Variants in ADAM12 observed in about 807,000 individuals in gnomAD.
The protein encoded by ADAM12 is disintegrin and metalloproteinase domain-containing protein 12.
In ADAM12, 70 loss-of-function variants were observed where a neutral mutation model predicts 106.4. The observed-to-expected ratio is 0.66, with a 90% CI of 0.54 to 0.80. The LOEUF (loss-of-function observed/expected upper bound fraction) is 0.80, where lower values mean the gene tolerates loss of function less well. Among genes scored for constraint, ADAM12 ranks in the 30% least tolerant of loss-of-function variants. The pLI is 0.00. For missense variants in ADAM12, 1,010 were observed against 1,171.9 expected, an observed-to-expected ratio of 0.86 and a Z score of 2.02; for synonymous variants, 420 against 433.5, an observed-to-expected ratio of 0.97 and a Z score of 0.39.
At chr10:126,101,783 A>G (rs537681576) in intron 8 of ADAM12, among the ~76,000 whole-genome samples, 9 of 152,330 alleles carry the variant, frequency 5.9e-5, no homozygotes, top group Admixed American at 4.6e-4. Context: ...GTTTTAATAA[A>G]ATAAAGAAGT....
At chr10:126,292,425 C>A (rs1416780804) in intron 2 of ADAM12, among the ~76,000 whole-genome samples, 1 of 152,168 alleles carries the variant, frequency 6.6e-6, no homozygotes, top group African/African-American at 2.4e-5. Flanking sequence ...TTCCAGCTCT[C>A]CCCTGGCTAC....
At chr10:126,107,181 C>CTT (rs1955790050) in intron 8 of ADAM12, among the ~76,000 whole-genome samples, 1 of 152,188 alleles carries the variant, frequency 6.6e-6, no homozygotes, top group African/African-American at 2.4e-5. Flanking sequence ...ACACATACTC[C>CTT]TTCTTCTGCT....
intron 8 of ADAM12, among the ~76,000 whole-genome samples, chr10:126,107,827 G>A (rs976944346): frequency 2.6e-5 from 4 of 152,194 alleles, no homozygotes; most frequent in Admixed American, 1.3e-4. Flanking sequence ...TCCAATATGC[G>A]GGGCTTGTGA....
intron 21 of ADAM12, among the ~76,000 whole-genome samples, chr10:126,032,039 C>T (rs1285184046): frequency 1.3e-5 from 2 of 152,088 alleles, no homozygotes; most frequent in African/African-American, 4.8e-5. Context: ...ATTCAGCTCT[C>T]CTTCATTTAT....
intron 21 of ADAM12, among the ~76,000 whole-genome samples, chr10:126,030,978 G>GGACTTAGCTGTGC (rs1220446901): frequency 6.6e-6 from 1 of 152,188 alleles, no homozygotes; most frequent in African/African-American, 2.4e-5. Flanking sequence ...TCGAGGGGCT[G>GGACTTAGCTGTGC]GACTTAGCTG....
At chr10:126,132,519 T>C (rs1405912279) in intron 5 of ADAM12, among the ~76,000 whole-genome samples, 2 of 83,980 alleles carry the variant, frequency 2.4e-5, no homozygotes, top group Admixed American at 2.7e-4. Flanking sequence ...GAGTGCTGCA[T>C]GAACACCCCC....
At chr10:126,086,506 T>A (rs922575355) in intron 11 of ADAM12, among the ~76,000 whole-genome samples, 2 of 148,088 alleles carry the variant, frequency 1.4e-5, no homozygotes, top group Admixed American at 6.8e-5. Context: ...TAAAACCCCA[T>A]CTCCACTAAA....
intron 3 of ADAM12, among the ~76,000 whole-genome samples, chr10:126,226,860 G>A (rs1158036943): frequency 6.6e-6 from 1 of 152,140 alleles, no homozygotes; most frequent in Non-Finnish European, 1.5e-5. Context: ...GAAGGACTAA[G>A]GCTGTTTTGC....
intron 3 of ADAM12, among the ~76,000 whole-genome samples, chr10:126,214,544 C>A (rs546207480): frequency 9.2e-5 from 14 of 152,292 alleles, no homozygotes; most frequent in Admixed American, 4.6e-4. Context: ...AGACTGGAAG[C>A]AGTGGCTGCC....
At chr10:126,105,099 C>T (rs572574329) in intron 8 of ADAM12, among the ~76,000 whole-genome samples, 14 of 152,230 alleles carry the variant, frequency 9.2e-5, no homozygotes, top group Middle Eastern at 3.4e-3. Context: ...CTCAGCAAAT[C>T]GGCTCTCTCC....
intron 3 of ADAM12, among the ~76,000 whole-genome samples, chr10:126,204,921 C>T (rs1440905115): frequency 6.6e-6 from 1 of 152,212 alleles, no homozygotes; most frequent in Admixed American, 6.5e-5. Context: ...CCCACAGTCA[C>T]AAGAATGGGC....
chr10:126,163,020 C>T (rs10901544), intron 3 of ADAM12, among the ~76,000 whole-genome samples: 80,262 of 151,794 alleles, frequency 0.53, 22,213 homozygotes, highest in African/African-American at 0.68. Flanking sequence ...CTCCTCCCAC[C>T]CCTTCCTCTC....
intron 3 of ADAM12, among the ~76,000 whole-genome samples, chr10:126,278,194 G>T (rs573347608): frequency 3.3e-5 from 5 of 152,260 alleles, no homozygotes; most frequent in African/African-American, 9.6e-5. Flanking sequence ...CTTATTAGAA[G>T]AACTAATAAG....
chr10:126,151,774 CCT>C (rs1179708885), intron 4 of ADAM12, among the ~76,000 whole-genome samples: 2 of 151,698 alleles, frequency 1.3e-5, no homozygotes, highest in Non-Finnish European at 2.9e-5. Flanking sequence ...TTTAAATTTT[CCT>C]CTTTCACCTT....
chr10:126,330,455 CCAACA>C lies in ADAM12; in HGVS notation c.138_142del (p.Val47GlufsTer39). 6.2e-7 allele frequency: 1 copy of C among 1,613,976 alleles called. No homozygotes were observed. The highest frequency in any genetic ancestry group is 1.1e-5 in the South Asian group (1 of 91,062). ...CACTGGGATCCAGAGGTCCCCACTC[CCAACA>C]GAGGCACTGACAACTTCATCAGCTC... On this transcript the variant is annotated frameshift_variant, in exon 2 of 23. Coordinates refer to ENST00000448723, the MANE Select transcript of ADAM12 (RefSeq NM_001288973.2). LOFTEE classifies it high-confidence loss of function.
Position 126,049,555 on chromosome 10 carries a change from C to T in ADAM12, c.1718+6G>A. 1.2e-6 allele frequency: 2 copies of T among 1,614,136 alleles called. No individual in the cohort carries two copies. The highest frequency in any genetic ancestry group is 1.1e-5 in the South Asian group (1 of 91,076). On this transcript the variant is annotated splice_donor_region_variant and intron_variant, in intron 15 of 22. Transcript: ENST00000448723. The surrounding 1 kb of genome is among the most constrained non-coding windows in gnomAD (Gnocchi z 4.4). The stretch of plus-strand genomic sequence containing the variant: ...AAGACTTTGCCAGGATGTCTGGATT[C>T]CATACCTCATCTCGCATTTGGCAAA...
intron 1 of ADAM12, among the ~76,000 whole-genome samples, chr10:126,387,671 T>C (rs975544110): frequency 6.6e-6 from 1 of 151,750 alleles, no homozygotes; most frequent in African/African-American, 2.4e-5. Flanking sequence ...GCCCGGAGCC[T>C]GGGGTGGGGA....
rs578155948 is a variant in ADAM12, at chr10:126,295,705, C to T, written c.187-16717G>A. 3.5e-4 allele frequency among the ~76,000 whole-genome samples: 53 copies of T among 152,232 alleles called. No individual in the cohort carries two copies. In the East Asian group the frequency reaches 0.01, roughly 29 times the overall value. On this transcript the variant is annotated intron_variant, in intron 2 of 22. Transcript: ENST00000448723. Reference sequence around the variant, plus strand: ...AACTCTGGGGGACTCTATCCTTTACCATGAAAACCATGCACACTCTTTTGT... The same window carrying T: ...AACTCTGGGGGACTCTATCCTTTACTATGAAAACCATGCACACTCTTTTGT...
At chr10:126,068,428 A>G (rs746481687) in intron 12 of ADAM12, among the ~76,000 whole-genome samples, 1 of 152,224 alleles carries the variant, frequency 6.6e-6, no homozygotes, top group Non-Finnish European at 1.5e-5. Context: ...CAGCAGCTCA[A>G]ATGGAAATGC....
Sources: gnomAD v4.1 joint callset for allele counts (sites outside exome capture counted in the v4.1 genomes callset) on GRCh38, gnomAD v4.1.1 for gene constraint, Gnocchi (gnomAD v3.1) non-coding constraint, MANE v1.5 for transcripts, NCBI Gene and HGNC (gene_info 2026-07-23, HGNC 2026-07-21) for gene names.